Variants in C2orf76 observed in about 807,000 individuals in gnomAD.
C2orf76 encodes chromosome 2 open reading frame 76.
A neutral mutation model predicts 16.9 loss-of-function variants in C2orf76; 23 were observed. The ratio of observed to expected loss-of-function variants is 1.36; its 90% confidence interval spans 0.98 to 1.93. The LOEUF (loss-of-function observed/expected upper bound fraction) is 1.93, where lower values mean the gene tolerates loss of function less well. Ranked by LOEUF, C2orf76 falls within the 30% of genes most tolerant of loss-of-function variation. The pLI is 0.00. For synonymous variants in C2orf76, 48 were observed against 52.3 expected, an observed-to-expected ratio of 0.92 and a Z score of 0.35; for missense variants, 152 against 152.6, an observed-to-expected ratio of 1.00 and a Z score of 0.02.
intron 5 of C2orf76, among the ~76,000 whole-genome samples, chr2:119,310,081 T>A (rs572852435): frequency 3.3e-5 from 5 of 152,352 alleles, no homozygotes; most frequent in African/African-American, 1.2e-4. Context: ...CCTCACTTAT[T>A]TGAAATGTCA....
At chr2:119,300,956 T>C (rs994313512), downstream of C2orf76, among the ~76,000 whole-genome samples, 2 of 152,154 alleles carry the variant, frequency 1.3e-5, no homozygotes, top group African/African-American at 4.8e-5. Flanking sequence ...TCAAGCTCTT[T>C]CACAGTCCTT....
chr2:119,301,076 A>AACACACAC (rs57577702), downstream of C2orf76, among the ~76,000 whole-genome samples: 11,331 of 146,124 alleles, frequency 0.078, 841 homozygotes, highest in African/African-American at 0.2. Flanking sequence ...ACTTCTTAAA[A>AACACACAC]ACACACACAC....
intron 1 of C2orf76, among the ~76,000 whole-genome samples, chr2:119,353,141 G>C (rs151230516): frequency 2.0e-5 from 3 of 151,892 alleles, no homozygotes; most frequent in Non-Finnish European, 4.4e-5. Context: ...CAATTAAATA[G>C]CATTCAAATA....
chr2:119,356,218 C>T (rs1680565981), intron 1 of C2orf76, among the ~76,000 whole-genome samples: 1 of 152,024 alleles, frequency 6.6e-6, no homozygotes, highest in African/African-American at 2.4e-5. Context: ...GACTAGCCAA[C>T]ATGATGAAAC....
chr2:119,300,816 T>C (rs1678608098), downstream of C2orf76, among the ~76,000 whole-genome samples: 1 of 152,204 alleles, frequency 6.6e-6, no homozygotes, highest in Non-Finnish European at 1.5e-5. Context: ...GAAAACATAA[T>C]GGCTGTATGG....
At chr2:119,283,438 T>G in the C2orf76 span, among the ~76,000 whole-genome samples, 1 of 152,154 alleles carries the variant, frequency 6.6e-6, no homozygotes, top group African/African-American at 2.4e-5. Context: ...CCATATCCAT[T>G]TCTATTTTAC....
chr2:119,312,786 G>C (rs1209131335), intron 4 of C2orf76, among the ~76,000 whole-genome samples: 1 of 152,066 alleles, frequency 6.6e-6, no homozygotes, highest in Non-Finnish European at 1.5e-5. Flanking sequence ...CCAGCACTTT[G>C]GCAGGCCGAG....
chr2:119,287,929 C>T, the C2orf76 span, among the ~76,000 whole-genome samples: 3 of 151,964 alleles, frequency 2.0e-5, no homozygotes, highest in Admixed American at 6.6e-5. Context: ...AAAATGAAGG[C>T]CCAAATTTAC....
At chr2:119,309,297 G>A (rs1678901133) in intron 5 of C2orf76, among the ~76,000 whole-genome samples, 1 of 150,600 alleles carries the variant, frequency 6.6e-6, no homozygotes, top group African/African-American at 2.4e-5. Context: ...TATTTTTTAT[G>A]TGTGAGTTAT....
At chr2:119,366,240 T>TA in intron 1 of C2orf76, 1 of 370,458 alleles carries the variant, frequency 2.7e-6, no homozygotes, top group Non-Finnish European at 5.3e-6. Flanking sequence ...CAGTGCAAGT[T>TA]ACCCAACAGG....
At chr2:119,362,101 A>T (rs1440242098) in intron 1 of C2orf76, among the ~76,000 whole-genome samples, 1 of 152,224 alleles carries the variant, frequency 6.6e-6, no homozygotes, top group African/African-American at 2.4e-5. Context: ...CTCAGTGTGA[A>T]GATGACAAGT....
chr2:119,305,558 C>G (rs1678750640), intron 5 of C2orf76, among the ~76,000 whole-genome samples: 1 of 152,128 alleles, frequency 6.6e-6, no homozygotes, highest in Non-Finnish European at 1.5e-5. Context: ...CTGAGACACA[C>G]GCACTGATTT....
chr2:119,290,370 A>T, the C2orf76 span, among the ~76,000 whole-genome samples: 3 of 152,234 alleles, frequency 2.0e-5, no homozygotes, highest in Admixed American at 1.3e-4. Flanking sequence ...CTCAACAAAT[A>T]TACAGGGACG....
chr2:119,283,010 C>T, the C2orf76 span, among the ~76,000 whole-genome samples: 3 of 152,148 alleles, frequency 2.0e-5, no homozygotes, highest in Admixed American at 1.3e-4. Context: ...AGGATGGGCA[C>T]AGGGGAAGCT....
intron 1 of C2orf76, among the ~76,000 whole-genome samples, chr2:119,357,851 A>G (rs1445295698): frequency 6.6e-6 from 1 of 152,244 alleles, no homozygotes; most frequent in Admixed American, 6.5e-5. Context: ...TTCTCAAAAA[A>G]CAAAAAAATC....
intron 2 of C2orf76, among the ~76,000 whole-genome samples, chr2:119,331,317 G>A (rs144846120): frequency 0.012 from 1,759 of 152,226 alleles, 15 homozygotes; most frequent in Non-Finnish European, 0.02. Flanking sequence ...TACTCTGCCC[G>A]ATAACCTGTG....
chr2:119,285,844 C>T, the C2orf76 span, among the ~76,000 whole-genome samples: 7 of 152,136 alleles, frequency 4.6e-5, no homozygotes, highest in Admixed American at 2.0e-4. Flanking sequence ...TTTATCAACT[C>T]CCAGTGTGTG....
intron 4 of C2orf76, 124 bp downstream of exon 4, chr2:119,317,342 C>T (rs894881474): frequency 7.9e-6 from 5 of 632,450 alleles, no homozygotes; most frequent in Non-Finnish European, 1.2e-5. Flanking sequence ...AGGGTACCTA[C>T]AAAATAAAAA....
chr2:119,344,187 C>T (rs1308634526), intron 1 of C2orf76, among the ~76,000 whole-genome samples: 1 of 152,166 alleles, frequency 6.6e-6, no homozygotes, highest in Non-Finnish European at 1.5e-5. Context: ...TACTCAGTAA[C>T]AAAACAATAG....
Sources: gnomAD v4.1 joint callset for allele counts (sites outside exome capture counted in the v4.1 genomes callset) on GRCh38, gnomAD v4.1.1 for gene constraint, MANE v1.5 for transcripts, NCBI Gene and HGNC (gene_info 2026-07-23, HGNC 2026-07-21) for gene names.